Variants in RASEF observed in about 807,000 individuals in gnomAD.
RASEF encodes RAS and EF-hand domain containing, also known as ras and EF-hand domain-containing protein.
In RASEF, 68 loss-of-function variants were observed where a neutral mutation model predicts 90.1. The ratio of observed to expected loss-of-function variants is 0.75; its 90% CI spans 0.62 to 0.92. The LOEUF is 0.92. RASEF is among the 40% of genes least tolerant of loss of function. RASEF has a pLI of 0.00. For missense variants in RASEF, 949 were observed against 937.2 expected (o/e 1.01, Z -0.16); for synonymous variants, 331 against 345.2 (o/e 0.96, Z 0.46).
At chr9:83,068,036 C>T (rs1830296322), upstream of RASEF, among the ~76,000 whole-genome samples, 1 of 152,118 alleles carries the variant, frequency 6.6e-6, no homozygotes, top group Admixed American at 6.6e-5. Flanking sequence ...ACCACTACTC[C>T]CAGTTAATTT....
the RASEF span, among the ~76,000 whole-genome samples, chr9:83,138,824 T>C: frequency 1.3e-5 from 2 of 151,952 alleles, no homozygotes; most frequent in Admixed American, 1.3e-4. Flanking sequence ...TTATAAAAAA[T>C]AAAAACTTAT....
At chr9:83,131,985 T>C in the RASEF span, among the ~76,000 whole-genome samples, 2 of 152,028 alleles carry the variant, frequency 1.3e-5, no homozygotes, top group African/African-American at 4.8e-5. Flanking sequence ...AAAAAGAGGG[T>C]TTGGTGATAG....
chr9:83,180,482 A>C, the RASEF span, among the ~76,000 whole-genome samples: 1 of 130,372 alleles, frequency 7.7e-6, no homozygotes, highest in Admixed American at 7.8e-5. Flanking sequence ...CGTAAACATT[A>C]CTTTTTTTTT....
At chr9:83,023,291 T>A (rs78352875) in intron 2 of RASEF, among the ~76,000 whole-genome samples, 1 of 152,156 alleles carries the variant, frequency 6.6e-6, no homozygotes, top group Non-Finnish European at 1.5e-5. Flanking sequence ...CTGTTAGGAG[T>A]GCAATTATAA....
chr9:83,088,364 A>AGATGGATG, the RASEF span, among the ~76,000 whole-genome samples: 3 of 121,600 alleles, frequency 2.5e-5, no homozygotes, highest in African/African-American at 9.3e-5. Context: ...ACAGAGATAT[A>AGATGGATG]GATAGATGGA....
intron 1 of RASEF, among the ~76,000 whole-genome samples, chr9:83,061,375 T>C (rs1830197237): frequency 6.6e-6 from 1 of 152,188 alleles, no homozygotes. Flanking sequence ...GGATACTTCC[T>C]TTTCAATGTT....
the RASEF span, among the ~76,000 whole-genome samples, chr9:83,158,631 T>TATATATGTATATATGTCCAAATATATAC: frequency 7.9e-3 from 407 of 51,426 alleles, 10 homozygotes; most frequent in African/African-American, 0.029. Flanking sequence ...TGTACATATG[T>TATATATGTATATATGTCCAAATATATAC]ATATATGTAT....
chr9:83,144,181 A>G, the RASEF span, among the ~76,000 whole-genome samples: 2 of 151,798 alleles, frequency 1.3e-5, no homozygotes, highest in South Asian at 4.2e-4. Flanking sequence ...GGATGGGGAC[A>G]GGGGAAGGGA....
rs1038670682 is a variant in RASEF at position 83,062,347 on chromosome 9, G to C, written c.431+90C>G. The C allele has an allele frequency of 4.2e-4, 518 of 1,230,670 alleles. 6 individuals carry two copies. In the African/African-American group the frequency reaches 6.2e-3, roughly 15 times the overall value. 76.2% of individuals were successfully genotyped at this position (1,230,670 alleles called of 1,614,324 possible). A position where few individuals can be genotyped will look rare whatever the true frequency, so the allele number is the denominator to read the frequency against. ...AACTCACAGAGAAGACTAGGGGGGG[G>C]GGCCATTGGGTCTGCACACCTGCAA... On this transcript the variant is annotated intron_variant, in intron 1 of 16. Transcript: ENST00000376447.
intron 1 of RASEF, among the ~76,000 whole-genome samples, chr9:83,041,212 A>T (rs1392166880): frequency 6.6e-6 from 1 of 152,246 alleles, no homozygotes; most frequent in Admixed American, 6.5e-5. Flanking sequence ...TTTCTATGAC[A>T]GTTAATGTAA....
chr9:83,164,343 G>A, the RASEF span, among the ~76,000 whole-genome samples: 1 of 80,214 alleles, frequency 1.2e-5, no homozygotes, highest in African/African-American at 3.7e-5. Flanking sequence ...ATTTGTATAT[G>A]TGTGTATATA....
chr9:83,199,912 C>G, the RASEF span, among the ~76,000 whole-genome samples: 1 of 152,166 alleles, frequency 6.6e-6, no homozygotes, highest in African/African-American at 2.4e-5. Context: ...TAAAAACACA[C>G]AGCACAGGCA....
the RASEF span, among the ~76,000 whole-genome samples, chr9:83,209,857 C>T: frequency 6.6e-6 from 1 of 152,114 alleles, no homozygotes; most frequent in African/African-American, 2.4e-5. Flanking sequence ...CTTCCCTGAC[C>T]CCTGTTTAGT....
chr9:83,212,319 A>C, the RASEF span, among the ~76,000 whole-genome samples: 13 of 152,156 alleles, frequency 8.5e-5, no homozygotes, highest in African/African-American at 3.1e-4. Flanking sequence ...TCTCACTTTT[A>C]ATTATTTAGC....
the RASEF span, among the ~76,000 whole-genome samples, chr9:83,193,101 G>A: frequency 1.2e-4 from 19 of 152,290 alleles, no homozygotes; most frequent in East Asian, 5.8e-4. Context: ...CGAATGAAGC[G>A]CAACAAGACT....
chr9:83,138,644 C>A, the RASEF span, among the ~76,000 whole-genome samples: 1 of 152,092 alleles, frequency 6.6e-6, no homozygotes, highest in Non-Finnish European at 1.5e-5. Context: ...CCCATAGCTC[C>A]AAACACACAA....
chr9:83,015,870 C>G lies in RASEF; in HGVS notation c.700G>C (p.Asp234His). 4 of 1,613,840 alleles carry G rather than the reference C, an allele frequency of 2.5e-6. No homozygotes were observed. Among genetic ancestry groups the G allele is most frequent in the Non-Finnish European group, 2.5e-6 (3 of 1,179,876 alleles). The change falls in exon 4 of 17, where the codon GAC becomes CAC. Residue 234 changes from aspartate (D) to histidine (H), a missense_variant. This residue lies in a region of RASEF where 656 missense variants were observed against 592.2 expected (regional missense o/e 1.11). Transcript: ENST00000376447. ...TCAGTTTCATACTGACGTCTGAGGTCACTGAGGGCTTCCTCAGCTTTGCGT... is the reference window on the plus strand; with the variant it reads ...TCAGTTTCATACTGACGTCTGAGGTGACTGAGGGCTTCCTCAGCTTTGCGT... ...EKRKAEEALS[D>H]LRRQYETEVG... is the part of the protein sequence containing the mutation.
chr9:83,175,031 G>A, the RASEF span, among the ~76,000 whole-genome samples: 1 of 151,956 alleles, frequency 6.6e-6, no homozygotes, highest in Non-Finnish European at 1.5e-5. Context: ...AAATTCCTTA[G>A]AATTTCTACC....
At chr9:82,992,144 G>A (rs1026932454) in intron 15 of RASEF, among the ~76,000 whole-genome samples, 5 of 152,200 alleles carry the variant, frequency 3.3e-5, no homozygotes, top group Non-Finnish European at 4.4e-5. Context: ...GTTCACATAC[G>A]TATGCTACAG....
Sources: allele counts gnomAD v4.1 joint callset (sites outside exome capture counted in the v4.1 genomes callset), GRCh38; gene constraint gnomAD v4.1.1; regional missense constraint gnomAD v4.1.1; transcripts MANE v1.5; gene names NCBI Gene and HGNC (gene_info 2026-07-23, HGNC 2026-07-21).